PFKL: variants seen among roughly 807,000 people sequenced by gnomAD.
PFKL encodes the protein phosphofructokinase, liver type.
A neutral mutation model predicts 92.1 loss-of-function variants in PFKL; 74 were observed. The observed-to-expected ratio is 0.80, with a 90% confidence interval of 0.67 to 0.97. PFKL has a LOEUF of 0.97. Ranked by LOEUF, PFKL falls within the 50% of genes least tolerant of loss-of-function variation. The pLI is 0.00. For missense variants in PFKL, 1,028 were observed against 1,116.6 expected (o/e 0.92, Z 1.13); for synonymous variants, 494 against 456.4 (o/e 1.08, Z -1.05).
At chr21:44,312,777 C>T (rs2047084910) in intron 4 of PFKL, among the ~76,000 whole-genome samples, 1 of 152,190 alleles carries the variant, frequency 6.6e-6, no homozygotes, top group Non-Finnish European at 1.5e-5. Context: ...CCCCAGAGGT[C>T]CCCCGTCTGC....
Position 44,327,072 on chromosome 21 carries a change from A to C in PFKL, c.*210A>C. ...CCAGCCTGCCAGGCCCTCCAGCAGG[A>C]GGACAGAGTGCCCTGGGGCATCCAC... On this transcript the variant is annotated 3_prime_UTR_variant, in exon 22 of 22. Coordinates refer to ENST00000349048, the MANE Select transcript of PFKL (RefSeq NM_002626.6). 1.7e-6 allele frequency: 1 copy of C among 592,920 alleles called. No individual in the cohort carries two copies. The allele number at this position is 592,920 out of a possible 1,614,324, so 36.7% of individuals were successfully genotyped here. A position where few individuals can be genotyped will look rare whatever the true frequency, so the allele number is the denominator to read the frequency against.
At chr21:44,318,674 G>A in intron 10 of PFKL, 79 bp downstream of exon 10, 1 of 1,319,560 alleles carries the variant, frequency 7.6e-7, no homozygotes, top group Non-Finnish European at 1.0e-6. Flanking sequence ...TGCTCTCTGG[G>A]GGCCCCAGCA....
At chr21:44,319,194 G>A (rs2047291730) in intron 10 of PFKL, among the ~76,000 whole-genome samples, 157 bp from the exon 11 acceptor site, 3 of 152,156 alleles carry the variant, frequency 2.0e-5, no homozygotes. Flanking sequence ...GCTGGCCTTG[G>A]TGGTGACCGC....
intron 9 of PFKL, among the ~76,000 whole-genome samples, chr21:44,317,416 C>A (rs1330312321): frequency 6.6e-6 from 1 of 152,212 alleles, no homozygotes; most frequent in Admixed American, 6.5e-5. Context: ...CAGCTGCTGT[C>A]CCCTCTGTGA....
At position 44,325,143 on chromosome 21, in the gene PFKL, C is replaced by A; in HGVS notation, c.1878-10C>A. On this transcript the variant is annotated splice_polypyrimidine_tract_variant and intron_variant, in intron 18 of 21. Coordinates refer to ENST00000349048, the MANE Select transcript of PFKL (RefSeq NM_002626.6). The stretch of plus-strand genomic sequence containing the variant: ...GTTCCCGCCGACTCAGGCCCTGCTG[C>A]CCCTCTCAGGAACGAGAAGTGCCAT... 6.3e-7 allele frequency: 1 copy of A among 1,576,426 alleles called. No homozygotes were observed. The highest frequency in any genetic ancestry group is 8.7e-7 in the Non-Finnish European group (1 of 1,146,460).
chr21:44,303,104 C>T (rs956547603), intron 1 of PFKL, among the ~76,000 whole-genome samples: 6 of 151,908 alleles, frequency 3.9e-5, no homozygotes, highest in African/African-American at 1.2e-4. Context: ...CATGGTGGTG[C>T]GCATCTGTAA....
chr21:44,305,832 A>G (rs9975113), intron 1 of PFKL: 430,903 of 1,365,750 alleles, frequency 0.32, 69,773 homozygotes, highest in East Asian at 0.62. Flanking sequence ...CCGCTGGGAC[A>G]GACTGTTTCT....
intron 15 of PFKL, 23 bp downstream of exon 15, chr21:44,323,072 A>C: frequency 9.5e-7 from 1 of 1,056,414 alleles, no homozygotes; most frequent in Non-Finnish European, 1.3e-6. Flanking sequence ...CACGGACGAA[A>C]AAGCCCCAGG....
At chr21:44,304,839 C>T (rs539200290) in intron 1 of PFKL, among the ~76,000 whole-genome samples, 138 of 152,032 alleles carry the variant, frequency 9.1e-4, no homozygotes, top group African/African-American at 3.1e-3. Flanking sequence ...GCTGGGTTCC[C>T]GCCCCAGTTT....
chr21:44,323,790 G>T lies in PFKL; in HGVS notation c.1522G>T (p.Val508Leu). Reference protein sequence around the residue: ...FEAYEGVLQLVEARGRYEELC... With the variant: ...FEAYEGVLQLLEARGRYEELC... ...GGCCTATGAAGGGGTGCTGCAGCTGGTGGAGGCTCGCGGGCGCTACGAGGA... is the reference window on the plus strand; with the variant it reads ...GGCCTATGAAGGGGTGCTGCAGCTGTTGGAGGCTCGCGGGCGCTACGAGGA... The change falls in exon 16 of 22, where the codon GTG becomes TTG. Residue 508 changes from valine (V) to leucine (L), a missense_variant. Physicochemically the swap from Val to Leu is conservative, Grantham distance 32 (BLOSUM62 1). Coordinates refer to ENST00000349048, the MANE Select transcript of PFKL (RefSeq NM_002626.6). 1.9e-6 allele frequency: 3 copies of T among 1,612,658 alleles called. No homozygotes were observed. The highest frequency in any genetic ancestry group is 2.5e-6 in the Non-Finnish European group (3 of 1,179,780).
chr21:44,322,966 C>T lies in PFKL; in HGVS notation c.1414C>T (p.Leu472=), dbSNP rs2047396474. The T allele has an allele frequency of 2.5e-6, 4 of 1,610,944 alleles. No individual in the cohort carries two copies. The African/African-American group carries it at 5.3e-5, about 22-fold the overall frequency. ...CGGATGTGTCTTTGACTGCAGGACC[C>T]TGCCCAAGGGCCAGCTGGAGTCCAT... is the stretch of plus-strand genomic sequence containing the variant. ...GGSMLGTKRT[L]PKGQLESIVE... is the part of the protein sequence containing the mutation. The change falls in exon 15 of 22, where the codon CTG becomes TTG. Residue 472 remains leucine (L), a synonymous_variant. Transcript: ENST00000349048.
At chr21:44,321,501 C>T (rs1363092868) in intron 12 of PFKL, 4 of 322,714 alleles carry the variant, frequency 1.2e-5, no homozygotes, top group African/African-American at 6.5e-5. Flanking sequence ...TGCCTGCGTG[C>T]CAGGGGGCCA....
intron 13 of PFKL, 72 bp from the exon 14 acceptor site, chr21:44,322,061 C>A (rs1219899816): frequency 1.3e-6 from 2 of 1,521,050 alleles, no homozygotes; most frequent in African/African-American, 1.4e-5. Flanking sequence ...GGCCCCCGGG[C>A]ACAGGCCCAC....
chr21:44,314,067 C>G lies in PFKL; in HGVS notation c.747+46C>G, dbSNP rs759548127. 7 of 1,336,944 alleles carry G rather than the reference C, an allele frequency of 5.2e-6. No homozygotes were observed. In the South Asian group the frequency reaches 8.7e-5, roughly 17 times the overall value. The allele number at this position is 1,336,944 out of a possible 1,614,324, so 82.8% of individuals were successfully genotyped here. On this transcript the variant is annotated intron_variant, in intron 7 of 21. Transcript: ENST00000349048. ...TGGGGGCCGCAGGTGTCCTGGTGCACTGGGTAGCGCCCCTGGGGTTTTGGG... is the reference window on the plus strand; with the variant it reads ...TGGGGGCCGCAGGTGTCCTGGTGCAGTGGGTAGCGCCCCTGGGGTTTTGGG...
chr21:44,317,156 A>G (rs1010371632), intron 9 of PFKL, among the ~76,000 whole-genome samples: 1 of 152,226 alleles, frequency 6.6e-6, no homozygotes, highest in African/African-American at 2.4e-5. Flanking sequence ...GTCTGGGGCC[A>G]GGAAGGCACC....
rs752870576 is a variant in PFKL, at chr21:44,312,127, C to T, written c.260C>T (p.Ala87Val). Residue 87 changes from alanine to valine, a missense_variant, in exon 4 of 22, where the codon GCT (alanine) becomes GTT (valine). By Grantham distance (64) the Ala-to-Val change is moderately conservative. Transcript: ENST00000349048. ...IQLGGTIIGS[A>V]RCKAFTTREG... ...CAGGGCGGCACTATCATTGGCAGCG[C>T]TCGCTGCAAGGCCTTTACCACCAGG... 5.1e-6 allele frequency: 8 copies of T among 1,567,552 alleles called. No homozygotes were observed. The highest frequency in any genetic ancestry group is 6.9e-6 in the Non-Finnish European group (8 of 1,157,450).
intron 1 of PFKL, among the ~76,000 whole-genome samples, chr21:44,302,143 C>T (rs987391779): frequency 6.6e-6 from 1 of 152,246 alleles, no homozygotes. Context: ...GGCAGCGCTT[C>T]CTGGCTGCAG....
intron 11 of PFKL, 72 bp from the exon 12 acceptor site, chr21:44,320,012 G>C: frequency 1.4e-6 from 2 of 1,420,456 alleles, no homozygotes; most frequent in Non-Finnish European, 9.9e-7. Flanking sequence ...CCTGGGCTCT[G>C]TCACGGCTGC....
intron 9 of PFKL, 34 bp downstream of exon 9, chr21:44,316,558 G>A (rs369244551): frequency 2.8e-5 from 42 of 1,492,442 alleles, no homozygotes; most frequent in African/African-American, 2.7e-4. Context: ...GCGTACGTGC[G>A]TGGGTAAGCG....
Sources: gnomAD v4.1 joint callset for allele counts (sites outside exome capture counted in the v4.1 genomes callset) on GRCh38, gnomAD v4.1.1 for gene constraint, MANE v1.5 for transcripts, NCBI Gene and HGNC (gene_info 2026-07-23, HGNC 2026-07-21) for gene names.